PLCB4: variants seen among roughly 807,000 people sequenced by gnomAD.
PLCB4 encodes the protein 1-phosphatidylinositol 4,5-bisphosphate phosphodiesterase beta-4.
A neutral mutation model predicts 178.8 loss-of-function variants in PLCB4; 77 were observed. That is an observed-to-expected ratio of 0.43 (90% CI 0.36 to 0.52). PLCB4 has a LOEUF of 0.52. Ranked by LOEUF, PLCB4 falls within the 20% of genes least tolerant of loss-of-function variation. The pLI is 0.00. For synonymous variants in PLCB4, 496 were observed against 490.8 expected, an observed-to-expected ratio of 1.01 and a Z score of -0.14; for missense variants, 1,024 against 1,453.4, an observed-to-expected ratio of 0.70 and a Z score of 4.80.
At chr20:9,144,284 G>A (rs1330026749) in intron 2 of PLCB4, among the ~76,000 whole-genome samples, 2 of 152,058 alleles carry the variant, frequency 1.3e-5, no homozygotes, top group Admixed American at 6.6e-5. Flanking sequence ...GACCATTGAT[G>A]TGTTTGTTGA....
chr20:9,220,883 A>G (rs1465444501), intron 3 of PLCB4, among the ~76,000 whole-genome samples: 1 of 152,116 alleles, frequency 6.6e-6, no homozygotes, highest in East Asian at 1.9e-4. Context: ...CCTTCTTATT[A>G]CCCTGTAAAT....
chr20:9,249,082 T>C (rs1052369059), intron 3 of PLCB4, among the ~76,000 whole-genome samples: 3 of 152,326 alleles, frequency 2.0e-5, no homozygotes, highest in East Asian at 3.9e-4. Context: ...TTTCTTACTC[T>C]TACTCTTCCT....
Position 9,187,315 on chromosome 20 carries a change from C to T in PLCB4, c.-78-30075C>T, listed in dbSNP as rs2093342677. Among the ~76,000 whole-genome samples, 6 of 152,080 alleles carry T rather than the reference C, an allele frequency of 3.9e-5. No individual in the cohort carries two copies. The South Asian group carries it at 8.3e-4, about 21-fold the overall frequency. On this transcript the variant is annotated intron_variant, in intron 2 of 39. Transcript: ENST00000378473. Reference sequence around the variant, plus strand: ...ACACAGCCATGCCTCCACCCACTGCCGTGCTCTCTCTTCAAGAAACACCAG... The same window carrying T: ...ACACAGCCATGCCTCCACCCACTGCTGTGCTCTCTCTTCAAGAAACACCAG...
intron 35 of PLCB4, 57 bp downstream of exon 35, chr20:9,459,867 T>C (rs2043285375): frequency 8.1e-7 from 1 of 1,235,880 alleles, no homozygotes; most frequent in Admixed American, 2.0e-5. Flanking sequence ...AAAAGCTGAT[T>C]TTGTGTGTAT....
intron 8 of PLCB4, among the ~76,000 whole-genome samples, chr20:9,363,299 G>C (rs2035506626): frequency 6.6e-6 from 1 of 152,162 alleles, no homozygotes; most frequent in African/African-American, 2.4e-5. Context: ...AGCTCTGCAT[G>C]TCTGGAGCCA....
chr20:9,160,231 G>A (rs920469443), intron 2 of PLCB4, among the ~76,000 whole-genome samples: 1 of 152,154 alleles, frequency 6.6e-6, no homozygotes, highest in Non-Finnish European at 1.5e-5. Context: ...TTTAGATGTA[G>A]CCCTTAATTG....
At chr20:9,104,037 T>G (rs1336173627) in intron 2 of PLCB4, among the ~76,000 whole-genome samples, 1 of 151,976 alleles carries the variant, frequency 6.6e-6, no homozygotes, top group Non-Finnish European at 1.5e-5. Context: ...CTTGAAACAG[T>G]AACAACCACA....
At chr20:9,174,321 A>G (rs2093117394) in intron 2 of PLCB4, among the ~76,000 whole-genome samples, 1 of 150,892 alleles carries the variant, frequency 6.6e-6, no homozygotes, top group Non-Finnish European at 1.5e-5. Context: ...TTTATTTTTT[A>G]TTTTTGTACA....
chr20:9,280,386 A>G, intron 3 of PLCB4: 1 of 847,778 alleles, frequency 1.2e-6, no homozygotes, highest in Non-Finnish European at 1.4e-6. Flanking sequence ...AAGAGAAGGC[A>G]GGAAGACCTA....
Position 9,096,167 on chromosome 20 carries a change from C to T in PLCB4, c.-134-120C>T, listed in dbSNP as rs2090903096. ...TATTTCAAGTCTAATTTAAAGATTT[C>T]CATTTGTTTAATATTATAAATGAAA... On this transcript the variant is annotated intron_variant, in intron 1 of 39. Coordinates refer to ENST00000378473, the MANE Select transcript of PLCB4 (RefSeq NM_001377142.1). 2 of 152,008 alleles carry T rather than the reference C, an allele frequency of 1.3e-5. 1 individual carries two copies. Among genetic ancestry groups the T allele is most frequent in the Admixed American group, 1.3e-4 (2 of 15,258 alleles). 9.4% of individuals were successfully genotyped at this position (152,008 alleles called of 1,614,324 possible).
intron 2 of PLCB4, among the ~76,000 whole-genome samples, chr20:9,158,791 T>C (rs1210788003): frequency 6.6e-6 from 1 of 152,080 alleles, no homozygotes; most frequent in Non-Finnish European, 1.5e-5. Context: ...ACAGAGAGAT[T>C]TTAAAGGCAT....
At chr20:9,117,301 C>T (rs1178476560) in intron 2 of PLCB4, among the ~76,000 whole-genome samples, 1 of 152,088 alleles carries the variant, frequency 6.6e-6, no homozygotes, top group Non-Finnish European at 1.5e-5. Context: ...TTTGTAATTT[C>T]TGTCAAAGGG....
chr20:9,237,474 C>T (rs75431245), intron 3 of PLCB4, among the ~76,000 whole-genome samples: 1,753 of 152,230 alleles, frequency 0.012, 43 homozygotes, highest in African/African-American at 0.04. Flanking sequence ...AGGTATTGTC[C>T]AAGGACCAGC....
At chr20:9,174,215 T>A (rs1371414397) in intron 2 of PLCB4, among the ~76,000 whole-genome samples, 1 of 152,140 alleles carries the variant, frequency 6.6e-6, no homozygotes, top group Non-Finnish European at 1.5e-5. Flanking sequence ...CATGGCTCAC[T>A]TCAGCCTCCA....
chr20:9,403,175 C>T (rs6039458), intron 20 of PLCB4, among the ~76,000 whole-genome samples: 1 of 151,994 alleles, frequency 6.6e-6, no homozygotes, highest in Non-Finnish European at 1.5e-5. Context: ...TGTCATTATC[C>T]TCATGATCAC....
At chr20:9,081,897 A>G (rs1307379343) in intron 1 of PLCB4, among the ~76,000 whole-genome samples, 1 of 151,852 alleles carries the variant, frequency 6.6e-6, no homozygotes, top group Admixed American at 6.6e-5. Flanking sequence ...GAAATATGAT[A>G]AGTAATTTGA....
At chr20:9,080,064 G>C (rs2090073369) in intron 1 of PLCB4, among the ~76,000 whole-genome samples, 1 of 152,004 alleles carries the variant, frequency 6.6e-6, no homozygotes, top group Non-Finnish European at 1.5e-5. Flanking sequence ...AGGTACCTGG[G>C]GGAAGAGACT....
At chr20:9,435,452 CAG>C in intron 28 of PLCB4, 106 bp from the exon 29 acceptor site, 3 of 645,830 alleles carry the variant, frequency 4.6e-6, no homozygotes, top group Non-Finnish European at 8.1e-6. Context: ...AGATTATTAA[CAG>C]AAAGCACAAC....
intron 36 of PLCB4, among the ~76,000 whole-genome samples, chr20:9,469,026 C>T (rs1338687178): frequency 6.6e-6 from 1 of 151,330 alleles, no homozygotes; most frequent in Non-Finnish European, 1.5e-5. Context: ...CTTTATTACC[C>T]ATGCTAGAGT....
Sources: allele counts gnomAD v4.1 joint callset (sites outside exome capture counted in the v4.1 genomes callset), GRCh38; gene constraint gnomAD v4.1.1; transcripts MANE v1.5; gene names NCBI Gene and HGNC (gene_info 2026-07-23, HGNC 2026-07-21).